CHIC1: variants seen among roughly 807,000 people sequenced by gnomAD.
CHIC1 encodes the protein cysteine rich hydrophobic domain 1.
Under a neutral mutation model 18.5 loss-of-function variants are expected in CHIC1, and 7 were observed. That is an observed-to-expected ratio of 0.38 (90% confidence interval 0.22 to 0.71). The LOEUF (loss-of-function observed/expected upper bound fraction) is 0.71. Among genes scored for constraint, CHIC1 ranks in the 30% least tolerant of loss-of-function variants. The probability of loss-of-function intolerance (pLI) is 0.49; values close to 1 mark genes in which losing one functional copy is unlikely to be tolerated. For synonymous variants in CHIC1, 77 were observed against 73.5 expected, an observed-to-expected ratio of 1.05 and a Z score of -0.25; for missense variants, 159 against 176.9, an observed-to-expected ratio of 0.90 and a Z score of 0.57.
intron 2 of CHIC1, among the ~76,000 whole-genome samples, chrX:73,583,306 A>T (rs1199485693): frequency 9.0e-6 from 1 of 111,196 alleles, no homozygotes; most frequent in Non-Finnish European, 1.9e-5. Context: ...AACATTTGCT[A>T]ATAGGTATAT....
chrX:73,627,960 G>T (rs1425930211), intron 3 of CHIC1, among the ~76,000 whole-genome samples: 3 of 111,925 alleles, frequency 2.7e-5, no homozygotes, highest in African/African-American at 9.7e-5. Context: ...TTGTACCTGG[G>T]TATTGCTGCT....
rs2057428192 is a variant in CHIC1 at position 73,563,466 on chromosome X, A to C, written c.182A>C (p.Glu61Ala). ...EEEEEEEEEE[E>A]EEEEEEEAPP... is the part of the protein sequence containing the mutation. ...GAAGAGGAGGAGGAGGAAGAAGAGGAGGAGGAGGAAGAGGAGGAGGAAGCG... is the reference window on the plus strand; with the variant it reads ...GAAGAGGAGGAGGAGGAAGAAGAGGCGGAGGAGGAAGAGGAGGAGGAAGCG... The change falls in exon 1 of 6, where the codon GAG (glutamate) becomes GCG (alanine). Residue 61 changes from glutamate (E) to alanine (A), a missense_variant. Physicochemically the swap from Glu to Ala is moderately radical, Grantham distance 107. Transcript: ENST00000373502. 8.6e-7 allele frequency: 1 copy of C among 1,156,181 alleles called. No individual in the cohort carries two copies. The highest frequency in any genetic ancestry group is 1.8e-5 in the African/African-American group (1 of 54,812).
At chrX:73,647,691 G>A (rs1458430902) in intron 3 of CHIC1, among the ~76,000 whole-genome samples, 2 of 112,126 alleles carry the variant, frequency 1.8e-5, no homozygotes, top group East Asian at 2.8e-4. Context: ...TCATCCATGG[G>A]CTCAGGGACA....
chrX:73,670,018 C>CGGAGTGTATGG (rs1217074668), intron 3 of CHIC1, among the ~76,000 whole-genome samples: 1 of 111,914 alleles, frequency 8.9e-6, no homozygotes, highest in Non-Finnish European at 1.9e-5. Context: ...TGCAAGACTC[C>CGGAGTGTATGG]ATACAGCTCT....
At chrX:73,563,815 A>G (rs2057431090) in intron 1 of CHIC1, among the ~76,000 whole-genome samples, 1 of 110,561 alleles carries the variant, frequency 9.0e-6, no homozygotes, top group African/African-American at 3.3e-5. Flanking sequence ...AGGAGAGGGA[A>G]GTTAGGGGTT....
At chrX:73,676,772 TGAG>T (rs1255061274) in intron 3 of CHIC1, among the ~76,000 whole-genome samples, 1 of 112,180 alleles carries the variant, frequency 8.9e-6, no homozygotes, top group African/African-American at 3.2e-5. Flanking sequence ...CCATTGCTGG[TGAG>T]GAGCTGCGTT....
chrX:73,619,504 A>AT (rs1439126289), intron 3 of CHIC1, among the ~76,000 whole-genome samples: 1 of 109,083 alleles, frequency 9.2e-6, no homozygotes, highest in African/African-American at 3.3e-5. Context: ...GGTGAAAGTG[A>AT]TTTTCCCTAC....
At chrX:73,570,400 A>C (rs190539714) in intron 1 of CHIC1, among the ~76,000 whole-genome samples, 5 of 111,310 alleles carry the variant, frequency 4.5e-5, no homozygotes, top group Admixed American at 3.8e-4. Flanking sequence ...GAATGATTTC[A>C]AAGGAGCAAA....
chrX:73,655,620 A>G (rs777413304), intron 3 of CHIC1, among the ~76,000 whole-genome samples: 9 of 50,409 alleles, frequency 1.8e-4, no homozygotes, highest in South Asian at 1.4e-3. Context: ...TAGTGTGTGT[A>G]TATATATATA....
intron 3 of CHIC1, among the ~76,000 whole-genome samples, chrX:73,599,257 A>G (rs1371493916): frequency 3.7e-5 from 4 of 106,851 alleles, no homozygotes; most frequent in African/African-American, 1.5e-4. Context: ...AGTAGGTTGC[A>G]AAAATTTTCT....
At chrX:73,601,527 A>C (rs1239545305) in intron 3 of CHIC1, among the ~76,000 whole-genome samples, 4 of 107,009 alleles carry the variant, frequency 3.7e-5, no homozygotes, top group South Asian at 8.1e-4. Flanking sequence ...ACAAAGACAC[A>C]ACATACCAGA....
Position 73,563,301 on chromosome X carries a change from C to T in CHIC1, c.17C>T (p.Pro6Leu), listed in dbSNP as rs2057424785. ...GGTCACGTGATGAGCATCCTGCTGC[C>T]CAACATGGCGGAGTTCGACACCATC... is the stretch of plus-strand genomic sequence containing the variant. MSILL[P>L]NMAEFDTISE... Residue 6 changes from proline (P) to leucine (L), a missense_variant, in exon 1 of 6, where the codon CCC becomes CTC. Transcript: ENST00000373502. 1 of 1,127,339 alleles carries T rather than the reference C, an allele frequency of 8.9e-7. No individual in the cohort carries two copies. The highest frequency in any genetic ancestry group is 2.9e-5 in the Admixed American group (1 of 34,981). 92.9% of individuals were successfully genotyped at this position (1,127,339 alleles called of 1,213,427 possible).
chrX:73,577,725 A>T (rs1033979579), intron 2 of CHIC1, among the ~76,000 whole-genome samples: 1 of 110,326 alleles, frequency 9.1e-6, no homozygotes, highest in African/African-American at 3.3e-5. Context: ...TTCTCAGCAT[A>T]GGTAGCTATA....
intron 3 of CHIC1, among the ~76,000 whole-genome samples, chrX:73,592,679 G>A (rs7056856): frequency 1.8e-5 from 2 of 108,620 alleles, no homozygotes; most frequent in South Asian, 3.9e-4. Flanking sequence ...TCATTGTGTC[G>A]TTGCCATATT....
At chrX:73,571,412 A>C (rs774763970) in intron 1 of CHIC1, among the ~76,000 whole-genome samples, 5 of 111,896 alleles carry the variant, frequency 4.5e-5, no homozygotes, top group Non-Finnish European at 9.5e-5. Flanking sequence ...CACTAGTGAT[A>C]AAGTCACTAC....
intron 3 of CHIC1, among the ~76,000 whole-genome samples, chrX:73,627,150 A>G (rs1175018874): frequency 9.1e-6 from 1 of 109,978 alleles, no homozygotes; most frequent in Non-Finnish European, 1.9e-5. Flanking sequence ...AAAAAAAAAA[A>G]AAAAAAAAGA....
intron 3 of CHIC1, among the ~76,000 whole-genome samples, chrX:73,671,082 C>T (rs1286026350): frequency 1.8e-5 from 2 of 111,777 alleles, no homozygotes; most frequent in East Asian, 2.8e-4. Context: ...TTTTATAGTG[C>T]AGTTTAAGTC....
At chrX:73,579,840 A>G (rs1440438944) in intron 2 of CHIC1, among the ~76,000 whole-genome samples, 1 of 110,802 alleles carries the variant, frequency 9.0e-6, no homozygotes, top group Non-Finnish European at 1.9e-5. Flanking sequence ...CTATGGAAAT[A>G]TATCTTGAAT....
intron 1 of CHIC1, 80 bp downstream of exon 1, chrX:73,563,660 G>A (rs755092578): frequency 4.3e-6 from 4 of 940,133 alleles, no homozygotes; most frequent in Admixed American, 4.7e-5. Flanking sequence ...GGGGCCTGTG[G>A]AGTGGGGGAG....
Sources: gnomAD v4.1 joint callset for allele counts (sites outside exome capture counted in the v4.1 genomes callset) on GRCh38, gnomAD v4.1.1 for gene constraint, MANE v1.5 for transcripts, NCBI Gene and HGNC (gene_info 2026-07-23, HGNC 2026-07-21) for gene names.